EDC3: variants seen among roughly 807,000 people sequenced by gnomAD.
EDC3 encodes the protein enhancer of mRNA decapping 3, also known as enhancer of mRNA-decapping protein 3.
EDC3 carries 20 observed loss-of-function variants against 41.8 expected under a neutral mutation model. The ratio of observed to expected loss-of-function variants is 0.48; its 90% CI spans 0.34 to 0.70. The LOEUF (loss-of-function observed/expected upper bound fraction) is 0.70. Ranked by LOEUF, EDC3 falls within the 30% of genes least tolerant of loss-of-function variation. EDC3 has a pLI of 0.01. For missense variants in EDC3, 444 were observed against 636.8 expected, an observed-to-expected ratio of 0.70 and a Z score of 3.26; for synonymous variants, 206 against 243.2, an observed-to-expected ratio of 0.85 and a Z score of 1.42.
At chr15:74,645,854 C>T (rs535384416) in intron 4 of EDC3, among the ~76,000 whole-genome samples, 12 of 151,264 alleles carry the variant, frequency 7.9e-5, no homozygotes, top group Non-Finnish European at 1.5e-4. Flanking sequence ...CTAGCCTGGG[C>T]GATAGAGAGA....
At chr15:74,658,629 A>T (rs1001650860) in intron 3 of EDC3, among the ~76,000 whole-genome samples, 2 of 145,080 alleles carry the variant, frequency 1.4e-5, no homozygotes, top group African/African-American at 2.5e-5. Context: ...TCTCTGAAAA[A>T]AAAAAAAAAA....
At chr15:74,685,005 C>G (rs2062919266) in intron 1 of EDC3, among the ~76,000 whole-genome samples, 1 of 152,140 alleles carries the variant, frequency 6.6e-6, no homozygotes, top group African/African-American at 2.4e-5. Flanking sequence ...CCCTGTCTAC[C>G]CAATCTAACG....
chr15:74,658,624 GAAAAAAAAAAAAA>G (rs60193835), intron 3 of EDC3, among the ~76,000 whole-genome samples: 8 of 39,038 alleles, frequency 2.0e-4, no homozygotes, highest in Non-Finnish European at 3.4e-4. Flanking sequence ...TTACGTCTCT[GAAAAAAAAAAAAA>G]AAAAAAAAAA....
chr15:74,680,904 T>C (rs1367486696), intron 1 of EDC3, among the ~76,000 whole-genome samples: 2 of 151,466 alleles, frequency 1.3e-5, no homozygotes, highest in Non-Finnish European at 2.9e-5. Flanking sequence ...AAGTACTAGG[T>C]GTAAATCTAA....
chr15:74,659,511 T>TATATATATATATATATATAG (rs1346060455), intron 3 of EDC3, among the ~76,000 whole-genome samples: 22 of 127,060 alleles, frequency 1.7e-4, no homozygotes, highest in African/African-American at 6.2e-4. Flanking sequence ...TATATATATA[T>TATATATATATATATATATAG]AGGCAAATAA....
chr15:74,671,379 TA>T lies in EDC3; in HGVS notation c.484+75del. On this transcript the variant is annotated intron_variant, in intron 3 of 6. Coordinates refer to ENST00000315127, the MANE Select transcript of EDC3 (RefSeq NM_025083.5). This position sits in a 1 kb window ranked among gnomAD's most constrained non-coding sequence, Gnocchi z 4.6. ...TTATTGGAATAACAAAGGATTTGTT[TA>T]AAGAGCAGCAGTGCTTATGGCTTAT... 6.9e-7 allele frequency: 1 copy of T among 1,456,454 alleles called. No individual in the cohort carries two copies. Among genetic ancestry groups the T allele is most frequent in the Non-Finnish European group, 9.3e-7 (1 of 1,071,736 alleles). The allele number at this position is 1,456,454 out of a possible 1,614,324, so 90.2% of individuals were successfully genotyped here.
At position 74,635,632 on chromosome 15, in the gene EDC3, A is replaced by G. The variant is rs1290982928; in HGVS notation, c.975-6T>C. 6.2e-7 allele frequency: 1 copy of G among 1,611,378 alleles called. No individual in the cohort carries two copies. Among genetic ancestry groups the G allele is most frequent in the South Asian group, 1.1e-5 (1 of 91,028 alleles). On this transcript the variant is annotated splice_polypyrimidine_tract_variant and splice_region_variant and intron_variant, in intron 5 of 6. Transcript: ENST00000315127. ...GAACATTTTTGGGATTCAACCTGGA[A>G]AAGAAGGTGAAGAAGCAGTATCAGC... is the stretch of plus-strand genomic sequence containing the variant.
At chr15:74,665,278 A>T (rs1366767244) in intron 3 of EDC3, among the ~76,000 whole-genome samples, 1 of 152,176 alleles carries the variant, frequency 6.6e-6, no homozygotes, top group Non-Finnish European at 1.5e-5. Context: ...TGCCCACCTC[A>T]GTCTCCCAAA....
At chr15:74,684,478 C>CAAAAA (rs1043252193) in intron 1 of EDC3, among the ~76,000 whole-genome samples, 3 of 60,964 alleles carry the variant, frequency 4.9e-5, no homozygotes, top group Non-Finnish European at 7.1e-5. Flanking sequence ...GACTTTGTCT[C>CAAAAA]AAAAAAAAAA....
intron 4 of EDC3, chr15:74,642,128 A>G (rs1358026287): frequency 6.6e-6 from 1 of 152,260 alleles, no homozygotes. Context: ...CAGGAAACCA[A>G]GCACAAAGAC....
intron 4 of EDC3, among the ~76,000 whole-genome samples, chr15:74,650,574 C>A (rs1224169332): frequency 6.6e-6 from 1 of 152,216 alleles, no homozygotes; most frequent in East Asian, 1.9e-4. Flanking sequence ...TATATGGAAT[C>A]TTTCCATCTC....
chr15:74,646,955 CAG>C (rs1333860283), intron 4 of EDC3, among the ~76,000 whole-genome samples: 1 of 151,264 alleles, frequency 6.6e-6, no homozygotes, highest in Admixed American at 6.6e-5. Flanking sequence ...CTACAGAACA[CAG>C]TGTCTGCATA....
intron 4 of EDC3, among the ~76,000 whole-genome samples, chr15:74,645,577 G>T (rs1299993744): frequency 4.3e-5 from 5 of 116,236 alleles, no homozygotes; most frequent in African/African-American, 9.3e-5. Context: ...GGGGGGGGGG[G>T]TGCCAGGCAG....
intron 4 of EDC3, among the ~76,000 whole-genome samples, chr15:74,654,034 C>T (rs533248973): frequency 2.6e-4 from 40 of 152,040 alleles, no homozygotes; most frequent in Non-Finnish European, 4.6e-4. Flanking sequence ...AGGTGGATCA[C>T]GAGGTCAGGA....
intron 1 of EDC3, among the ~76,000 whole-genome samples, chr15:74,680,089 T>C (rs575405618): frequency 7.9e-5 from 12 of 151,714 alleles, no homozygotes; most frequent in South Asian, 2.1e-4. Context: ...GGTGAAACCC[T>C]GTCTCTACTA....
At chr15:74,640,701 C>T in intron 4 of EDC3, 82 bp from the exon 5 acceptor site, 1 of 1,551,038 alleles carries the variant, frequency 6.4e-7, no homozygotes, top group Non-Finnish European at 8.8e-7. Flanking sequence ...CAAGATTCTG[C>T]AAATGCCAAC....
At chr15:74,640,444 C>T (rs756548680) in intron 5 of EDC3, 22 bp downstream of exon 5, 1 of 1,612,460 alleles carries the variant, frequency 6.2e-7, no homozygotes. Context: ...CATTGAGTCC[C>T]TGCCAGTTTA....
At position 74,671,791 on chromosome 15, in the gene EDC3, AG is replaced by A; in HGVS notation, c.165-18del. 1 of 1,608,692 alleles carries A rather than the reference AG, an allele frequency of 6.2e-7. No individual in the cohort carries two copies. The highest frequency in any genetic ancestry group is 8.5e-7 in the Non-Finnish European group (1 of 1,176,108). On this transcript the variant is annotated intron_variant, in intron 2 of 6. Coordinates refer to ENST00000315127, the MANE Select transcript of EDC3 (RefSeq NM_025083.5). This position sits in a 1 kb window ranked among gnomAD's most constrained non-coding sequence, Gnocchi z 4.6. ...TCACCTGCCCTGAAATACACAAAAAAGCCAAGTCTCAAAATTATAATAGTGG... is the reference window on the plus strand; with the variant it reads ...TCACCTGCCCTGAAATACACAAAAAACCAAGTCTCAAAATTATAATAGTGG...
At chr15:74,663,113 C>T (rs144677594) in intron 3 of EDC3, among the ~76,000 whole-genome samples, 3,540 of 152,054 alleles carry the variant, frequency 0.023, 140 homozygotes, top group African/African-American at 0.081. Context: ...ATGGTGAAAC[C>T]CTGTCTCTGC....
Sources: gnomAD v4.1 joint callset for allele counts (sites outside exome capture counted in the v4.1 genomes callset) on GRCh38, gnomAD v4.1.1 for gene constraint, Gnocchi (gnomAD v3.1) non-coding constraint, MANE v1.5 for transcripts, NCBI Gene and HGNC (gene_info 2026-07-23, HGNC 2026-07-21) for gene names.